The following NPRL3 variants were observed in gnomAD, a reference collection of about 807,000 sequenced individuals.
NPRL3 encodes the protein GATOR1 complex protein NPRL3.
Under a neutral mutation model 57.2 loss-of-function variants are expected in NPRL3, and 23 were observed. The ratio of observed to expected loss-of-function variants is 0.40; its 90% confidence interval spans 0.29 to 0.57. The LOEUF (loss-of-function observed/expected upper bound fraction) is 0.57, where lower values mean the gene tolerates loss of function less well. NPRL3 is among the 20% of genes least tolerant of loss of function. The pLI is 0.42. For synonymous variants in NPRL3, 333 were observed against 321.1 expected, an observed-to-expected ratio of 1.04 and a Z score of -0.39; for missense variants, 691 against 767.1, an observed-to-expected ratio of 0.90 and a Z score of 1.17.
chr16:125,292 T>C (rs150921848), intron 3 of NPRL3, among the ~76,000 whole-genome samples: 1 of 152,246 alleles, frequency 6.6e-6, no homozygotes, highest in African/African-American at 2.4e-5. Context: ...AGATGTTTCA[T>C]GGATTTTCCC....
chr16:133,155 T>C (rs1900893113), intron 2 of NPRL3, among the ~76,000 whole-genome samples: 1 of 152,230 alleles, frequency 6.6e-6, no homozygotes, highest in Non-Finnish European at 1.5e-5. Flanking sequence ...GCCTGATCTA[T>C]CCAGACCACT....
intron 4 of NPRL3, 113 bp from the exon 5 acceptor site, chr16:117,488 G>A (rs1431323761): frequency 5.7e-6 from 4 of 696,878 alleles, no homozygotes; most frequent in Non-Finnish European, 9.6e-6. Flanking sequence ...CCAAGGTCTT[G>A]GAAAAGCAAT....
chr16:86,501 G>C lies in NPRL3; in HGVS notation c.*204C>G. ...GACTGGAGGGAAGCGTAGGAACACA[G>C]AGGGCAGCAGCCCCACAGCGGAACC... On this transcript the variant is annotated 3_prime_UTR_variant, in exon 14 of 14. Transcript: ENST00000611875. The C allele has an allele frequency of 1.7e-6, 1 of 579,360 alleles. No homozygotes were observed. The highest frequency in any genetic ancestry group is 3.1e-6 in the Non-Finnish European group (1 of 326,472). The allele number at this position is 579,360 out of a possible 1,614,324, so 35.9% of individuals were successfully genotyped here.
chr16:85,907 C>T lies in NPRL3; in HGVS notation c.*798G>A, dbSNP rs767696815. The T allele has an allele frequency of 1.8e-6, 2 of 1,123,258 alleles. No individual in the cohort carries two copies. Among genetic ancestry groups the T allele is most frequent in the Non-Finnish European group, 2.3e-6 (2 of 861,982 alleles). 69.6% of individuals were successfully genotyped at this position (1,123,258 alleles called of 1,614,324 possible). ...CCATGTCTGGAGCTAGCTCTTCCTC[C>T]AGGACACGAGAGCTGGGGGCCTGAG... On this transcript the variant is annotated 3_prime_UTR_variant, in exon 14 of 14. Transcript: ENST00000611875.
intron 2 of NPRL3, among the ~76,000 whole-genome samples, chr16:131,086 A>G (rs916435391): frequency 6.6e-6 from 1 of 152,240 alleles, no homozygotes; most frequent in Non-Finnish European, 1.5e-5. Flanking sequence ...TGTAATCCCA[A>G]CCCTTTAGGA....
At chr16:122,204 C>T (rs1191445799) in intron 3 of NPRL3, among the ~76,000 whole-genome samples, 1 of 152,224 alleles carries the variant, frequency 6.6e-6, no homozygotes, top group Non-Finnish European at 1.5e-5. Context: ...TCAAGCGATT[C>T]TACTGCCTCA....
chr16:88,626 C>T lies in NPRL3; in HGVS notation c.1544+72G>A, dbSNP rs1046061289. On this transcript the variant is annotated intron_variant, in intron 13 of 13. Transcript: ENST00000611875. ...CTCAGTGGATTTGGTGGTTCTGTTG[C>T]GTACGTCCCTATCCACTTTCTGCCC... is the stretch of plus-strand genomic sequence containing the variant. 1.3e-4 allele frequency: 172 copies of T among 1,337,848 alleles called. No homozygotes were observed. The East Asian group carries it at 1.9e-3, about 14-fold the overall frequency. 82.9% of individuals were successfully genotyped at this position (1,337,848 alleles called of 1,614,324 possible).
At chr16:134,788 GC>G (rs1400371961) in intron 2 of NPRL3, among the ~76,000 whole-genome samples, 4 of 137,016 alleles carry the variant, frequency 2.9e-5, no homozygotes, top group Non-Finnish European at 6.1e-5. Context: ...TGCAAGCTCC[GC>G]CTCCCGGGTT....
chr16:128,023 G>A (rs1444124860), intron 3 of NPRL3, among the ~76,000 whole-genome samples: 1 of 134,286 alleles, frequency 7.4e-6, no homozygotes, highest in Non-Finnish European at 1.6e-5. Flanking sequence ...ACAGACTCTC[G>A]TTCTGTTGCC....
chr16:125,944 G>C (rs1596535113), intron 3 of NPRL3: 2 of 152,400 alleles, frequency 1.3e-5, no homozygotes, highest in Admixed American at 1.3e-4. Flanking sequence ...GTGAGCTAGA[G>C]AGTGCCTGCC....
At chr16:134,688 A>ATTTTTT (rs754866010) in intron 2 of NPRL3, among the ~76,000 whole-genome samples, 1 of 101,854 alleles carries the variant, frequency 9.8e-6, no homozygotes, top group African/African-American at 3.7e-5. Context: ...CACAGTAATT[A>ATTTTTT]TTATTATTTT....
rs540377839 is a variant in NPRL3, at chr16:111,966, A to G, written c.547+656T>C. Among the ~76,000 whole-genome samples, 22 of 152,316 alleles carry G rather than the reference A, an allele frequency of 1.4e-4. No individual in the cohort carries two copies. The South Asian group carries it at 4.4e-3, about 30-fold the overall frequency. ...TGTCTCTTTATGTTTTGAAATCTTT[A>G]CAGTAGGCCAAAAAACACTCAATGT... is the stretch of plus-strand genomic sequence containing the variant. On this transcript the variant is annotated intron_variant, in intron 6 of 13. Coordinates refer to ENST00000611875, the MANE Select transcript of NPRL3 (RefSeq NM_001077350.3).
At chr16:87,883 T>C (rs889190235) in intron 13 of NPRL3, among the ~76,000 whole-genome samples, 6 of 151,832 alleles carry the variant, frequency 4.0e-5, no homozygotes, top group African/African-American at 1.4e-4. Flanking sequence ...TTTTTTTTTT[T>C]TTTTAATGTC....
rs1222017166 is a variant in NPRL3 at position 130,532 on chromosome 16, C to T, written c.178G>A (p.Gly60Ser). The T allele has an allele frequency of 7.7e-6, 12 of 1,552,428 alleles. No individual in the cohort carries two copies. Among genetic ancestry groups the T allele is most frequent in the Middle Eastern group, 1.7e-4 (1 of 5,992 alleles). The change falls in exon 3 of 14, where the codon GGC becomes AGC. Residue 60 changes from glycine to serine, a missense_variant. Transcript: ENST00000611875. Reference protein sequence around the residue: ...NTGDHADEQDGDSRFSDVILA... With the variant: ...NTGDHADEQDSDSRFSDVILA... ...CCGCAGAGCCTTTACCTGGAATCGC[C>T]GTCCTGCTCATCAGCATGGTCGCCC...
chr16:109,713 T>C (rs1899701451), intron 7 of NPRL3, among the ~76,000 whole-genome samples: 1 of 152,136 alleles, frequency 6.6e-6, no homozygotes, highest in Non-Finnish European at 1.5e-5. Context: ...GAGATGCCTC[T>C]TCCCCCGAGC....
intron 9 of NPRL3, among the ~76,000 whole-genome samples, chr16:93,560 A>T (rs1306850551): frequency 6.6e-6 from 1 of 150,844 alleles, no homozygotes; most frequent in East Asian, 1.9e-4. Flanking sequence ...TTCTGTGAGC[A>T]ATGGTTTTTT....
At chr16:87,019 C>G (rs988550950) in intron 13 of NPRL3, 149 bp from the exon 14 acceptor site, 2 of 799,928 alleles carry the variant, frequency 2.5e-6, no homozygotes, top group African/African-American at 3.4e-5. Flanking sequence ...CCACAGCCCC[C>G]CAACAAGGGT....
chr16:138,127 GC>G, intron 2 of NPRL3, 22 bp downstream of exon 2: 2 of 1,557,656 alleles, frequency 1.3e-6, no homozygotes, highest in Non-Finnish European at 1.7e-6. Flanking sequence ...CGAGCGCCAG[GC>G]CCCCGCCCAG....
At chr16:131,313 A>G (rs1483286158) in intron 2 of NPRL3, among the ~76,000 whole-genome samples, 7 of 151,972 alleles carry the variant, frequency 4.6e-5, no homozygotes, top group African/African-American at 1.2e-4. Flanking sequence ...CCCCGTCTCT[A>G]CTAAAAATAC....
Sources: gnomAD v4.1 joint callset for allele counts (sites outside exome capture counted in the v4.1 genomes callset) on GRCh38, gnomAD v4.1.1 for gene constraint, MANE v1.5 for transcripts, NCBI Gene and HGNC (gene_info 2026-07-23, HGNC 2026-07-21) for gene names.